The following GMDS variants were observed in gnomAD, a reference collection of about 807,000 sequenced individuals.
GMDS encodes the protein GDP-mannose 4,6 dehydratase.
A neutral mutation model predicts 49.9 loss-of-function variants in GMDS; 20 were observed. That is an observed-to-expected ratio of 0.40 (90% confidence interval 0.28 to 0.58). The LOEUF (loss-of-function observed/expected upper bound fraction) is 0.58, where lower values mean the gene tolerates loss of function less well. GMDS is among the 20% of genes least tolerant of loss of function. The pLI, the probability that GMDS is intolerant of heterozygous loss-of-function variation, is 0.42. For synonymous variants in GMDS, 177 were observed against 178.6 expected, an observed-to-expected ratio of 0.99 and a Z score of 0.07; for missense variants, 362 against 481.4, an observed-to-expected ratio of 0.75 and a Z score of 2.32.
chr6:2,239,016 C>T (rs1306126762), intron 1 of GMDS, among the ~76,000 whole-genome samples: 1 of 152,012 alleles, frequency 6.6e-6, no homozygotes, highest in African/African-American at 2.4e-5. Context: ...ATTAATAGTT[C>T]ATTGGTTTCA....
intron 4 of GMDS, among the ~76,000 whole-genome samples, chr6:1,970,289 GAA>G (rs1256106105): frequency 2.6e-5 from 4 of 152,236 alleles, no homozygotes; most frequent in African/African-American, 9.6e-5. Context: ...CTCTGTAAGT[GAA>G]AGTTATTAAT....
chr6:1,973,033 A>ATT (rs942361792), intron 4 of GMDS, among the ~76,000 whole-genome samples: 4 of 152,210 alleles, frequency 2.6e-5, no homozygotes, highest in African/African-American at 9.6e-5. Flanking sequence ...AAATTTCAGT[A>ATT]TTTTAGAATG....
At chr6:2,003,069 G>A (rs1465796092) in intron 4 of GMDS, among the ~76,000 whole-genome samples, 2 of 152,042 alleles carry the variant, frequency 1.3e-5, no homozygotes, top group African/African-American at 2.4e-5. Flanking sequence ...CTATAATAGA[G>A]TACCTGATAA....
intron 4 of GMDS, among the ~76,000 whole-genome samples, chr6:2,050,159 A>G (rs540586368): frequency 1.1e-4 from 17 of 152,266 alleles, no homozygotes; most frequent in African/African-American, 3.4e-4. Context: ...AGAGAGAAGA[A>G]TCGAATAGAC....
intron 1 of GMDS, among the ~76,000 whole-genome samples, chr6:2,226,738 C>G (rs1007981907): frequency 6.6e-6 from 1 of 152,162 alleles, no homozygotes; most frequent in African/African-American, 2.4e-5. Context: ...ATTAAAAACA[C>G]CTAACATGTG....
chr6:1,868,404 A>G (rs376733345), intron 7 of GMDS, among the ~76,000 whole-genome samples: 1 of 152,176 alleles, frequency 6.6e-6, no homozygotes, highest in African/African-American at 2.4e-5. Context: ...TATGGAGTAA[A>G]TACATACATG....
intron 7 of GMDS, among the ~76,000 whole-genome samples, chr6:1,878,185 G>A (rs1759178710): frequency 6.6e-6 from 1 of 151,776 alleles, no homozygotes; most frequent in South Asian, 2.1e-4. Context: ...CGTGGTGGCG[G>A]GCACCTGTAG....
chr6:1,679,174 T>A (rs563873115), intron 9 of GMDS: 1 of 152,146 alleles, frequency 6.6e-6, no homozygotes, highest in Non-Finnish European at 1.5e-5. Flanking sequence ...ATCAAATACT[T>A]TGGCACTCAT....
chr6:1,713,574 C>T (rs1766057505), intron 9 of GMDS, among the ~76,000 whole-genome samples: 1 of 152,246 alleles, frequency 6.6e-6, no homozygotes, highest in Non-Finnish European at 1.5e-5. Context: ...TTCGTCTTGC[C>T]AATAGACAAA....
At chr6:2,054,979 G>T (rs574559223) in intron 4 of GMDS, among the ~76,000 whole-genome samples, 272 of 151,982 alleles carry the variant, frequency 1.8e-3, no homozygotes, top group African/African-American at 5.7e-3. Flanking sequence ...ATGAATGAAA[G>T]GAATATCATC....
chr6:1,792,898 T>G (rs1485965189), intron 7 of GMDS, among the ~76,000 whole-genome samples: 1 of 152,240 alleles, frequency 6.6e-6, no homozygotes, highest in East Asian at 1.9e-4. Flanking sequence ...GTTCATCCAC[T>G]GAGCTGGACA....
At chr6:2,121,833 C>T (rs1775154159) in intron 2 of GMDS, among the ~76,000 whole-genome samples, 1 of 152,224 alleles carries the variant, frequency 6.6e-6, no homozygotes, top group South Asian at 2.1e-4. Flanking sequence ...CACTACCCCA[C>T]CAACCTGGCC....
chr6:1,834,363 G>A (rs1275391762), intron 7 of GMDS, among the ~76,000 whole-genome samples: 4 of 152,064 alleles, frequency 2.6e-5, no homozygotes, highest in African/African-American at 9.7e-5. Context: ...ATTTCCCTGA[G>A]CAATTGCTCT....
chr6:1,969,706 G>A (rs987631061), intron 4 of GMDS, among the ~76,000 whole-genome samples: 38 of 152,084 alleles, frequency 2.5e-4, no homozygotes, highest in Admixed American at 6.5e-4. Flanking sequence ...TTTCCCCAGG[G>A]TTCACTCCTC....
At chr6:2,197,866 T>C (rs1429229216) in intron 1 of GMDS, among the ~76,000 whole-genome samples, 1 of 152,158 alleles carries the variant, frequency 6.6e-6, no homozygotes, top group Non-Finnish European at 1.5e-5. Context: ...AAAAGGCAGA[T>C]TTTACTTTCT....
intron 7 of GMDS, among the ~76,000 whole-genome samples, chr6:1,763,456 T>A (rs1157235236): frequency 6.6e-6 from 1 of 151,986 alleles, no homozygotes; most frequent in African/African-American, 2.4e-5. Flanking sequence ...AAGTGATAAA[T>A]CCCCCACTTC....
At chr6:1,776,608 AG>A (rs1247003450) in intron 7 of GMDS, among the ~76,000 whole-genome samples, 1 of 152,058 alleles carries the variant, frequency 6.6e-6, no homozygotes, top group Non-Finnish European at 1.5e-5. Context: ...TGAGCCCAGG[AG>A]TTGGAGGCTG....
At chr6:1,879,326 T>C (rs1759251252) in intron 7 of GMDS, among the ~76,000 whole-genome samples, 2 of 152,294 alleles carry the variant, frequency 1.3e-5, no homozygotes, top group African/African-American at 4.8e-5. Flanking sequence ...TGGTGGAATT[T>C]ATCAGCATTC....
intron 4 of GMDS, among the ~76,000 whole-genome samples, chr6:2,061,718 CAAAAAAAA>C (rs68037512): frequency 1.6e-4 from 9 of 57,108 alleles, no homozygotes; most frequent in South Asian, 9.2e-4. Flanking sequence ...GACTCTGTCT[CAAAAAAAA>C]AAAAAAAAAA....
Sources: gnomAD v4.1 joint callset for allele counts (sites outside exome capture counted in the v4.1 genomes callset) on GRCh38, gnomAD v4.1.1 for gene constraint, MANE v1.5 for transcripts, NCBI Gene and HGNC (gene_info 2026-07-23, HGNC 2026-07-21) for gene names.